AZIN1: variants seen among roughly 807,000 people sequenced by gnomAD.
AZIN1 encodes the protein antizyme inhibitor 1, also known as ornithine decarboxylase antizyme inhibitor.
A neutral mutation model predicts 47.4 loss-of-function variants in AZIN1; 12 were observed. The observed-to-expected ratio is 0.25, with a 90% confidence interval of 0.16 to 0.41. AZIN1 has a LOEUF of 0.41. AZIN1 is among the 10% of genes least tolerant of loss of function. The pLI, the probability that AZIN1 is intolerant of heterozygous loss-of-function variation, is 1.00. For synonymous variants in AZIN1, 155 were observed against 176.3 expected, an observed-to-expected ratio of 0.88 and a Z score of 0.96; for missense variants, 410 against 532.4, an observed-to-expected ratio of 0.77 and a Z score of 2.26.
chr8:102,848,781 TAAAAA>T (rs1028908935), intron 2 of AZIN1, among the ~76,000 whole-genome samples: 4 of 151,934 alleles, frequency 2.6e-5, no homozygotes, highest in African/African-American at 9.7e-5. Context: ...GTTCCATTGT[TAAAAA>T]AAAGAAAGGT....
chr8:102,863,168 G>T (rs1462098722), intron 1 of AZIN1, among the ~76,000 whole-genome samples: 3 of 152,202 alleles, frequency 2.0e-5, no homozygotes, highest in South Asian at 2.1e-4. Context: ...GGGCTTCCCC[G>T]CCGCCAGGCC....
At chr8:102,855,609 G>A (rs2131276379) in intron 2 of AZIN1, 1 of 152,304 alleles carries the variant, frequency 6.6e-6, no homozygotes, top group East Asian at 1.9e-4. Context: ...CTGGATCTCA[G>A]ACTACCTGCA....
chr8:102,830,765 G>A (rs1025557385), intron 9 of AZIN1, among the ~76,000 whole-genome samples: 10 of 152,092 alleles, frequency 6.6e-5, no homozygotes, highest in African/African-American at 2.4e-4. Flanking sequence ...CTACTGACTG[G>A]ATCAACTTAA....
At chr8:102,841,861 A>T (rs907233299) in intron 3 of AZIN1, among the ~76,000 whole-genome samples, 1 of 151,334 alleles carries the variant, frequency 6.6e-6, no homozygotes, top group Admixed American at 6.6e-5. Context: ...CTGTAATCCC[A>T]GCACTTTGGG....
intron 2 of AZIN1, chr8:102,854,497 T>C (rs1813141149): frequency 6.6e-6 from 1 of 150,666 alleles, no homozygotes; most frequent in East Asian, 2.0e-4. Flanking sequence ...CTTGGGAGGC[T>C]GAGGCGGAAG....
chr8:102,829,166 A>C, intron 11 of AZIN1, 106 bp downstream of exon 11: 1 of 984,652 alleles, frequency 1.0e-6, no homozygotes, highest in Non-Finnish European at 1.5e-6. Flanking sequence ...TAGGCAATAC[A>C]TGACTGTACT....
intron 2 of AZIN1, among the ~76,000 whole-genome samples, chr8:102,845,004 C>A (rs1812475499): frequency 2.0e-5 from 3 of 152,306 alleles, no homozygotes; most frequent in Admixed American, 6.5e-5. Context: ...AACAGGTCCA[C>A]CAGACAGGAT....
Position 102,832,947 on chromosome 8 carries a change from A to C in AZIN1, c.904+109T>G, listed in dbSNP as rs773692228. The stretch of plus-strand genomic sequence containing the variant: ...GAGCCACCACGCCCGGCCAGTTTTA[A>C]GATTTTTAAAAGCTGAAAACCACCT... On this transcript the variant is annotated intron_variant, in intron 9 of 11. Transcript: ENST00000337198. 4.5e-4 allele frequency: 458 copies of C among 1,023,698 alleles called. 1 individual carries two copies. Among genetic ancestry groups the C allele is most frequent in the Non-Finnish European group, 6.1e-4 (431 of 703,076 alleles). 63.4% of individuals were successfully genotyped at this position (1,023,698 alleles called of 1,614,324 possible). A position where few individuals can be genotyped will look rare whatever the true frequency, so the allele number is the denominator to read the frequency against.
chr8:102,831,540 G>A (rs1026674153), intron 9 of AZIN1, among the ~76,000 whole-genome samples: 2 of 151,426 alleles, frequency 1.3e-5, no homozygotes, highest in Admixed American at 6.6e-5. Context: ...CTACTTGGGA[G>A]GCTGAGGCAG....
chr8:102,854,669 TC>T (rs1213514171), intron 2 of AZIN1: 1 of 148,798 alleles, frequency 6.7e-6, no homozygotes, highest in Non-Finnish European at 1.5e-5. Context: ...GGTAGGGAGC[TC>T]CTACTAAGGC....
chr8:102,834,778 A>G (rs1422791028), intron 6 of AZIN1, 31 bp from the exon 7 acceptor site: 1 of 1,517,832 alleles, frequency 6.6e-7, no homozygotes, highest in East Asian at 2.3e-5. Context: ...AATTTAAAGG[A>G]GCAGAAAGTT....
chr8:102,842,157 A>G (rs1191642543), intron 3 of AZIN1, among the ~76,000 whole-genome samples: 1 of 152,172 alleles, frequency 6.6e-6, no homozygotes, highest in East Asian at 1.9e-4. Flanking sequence ...CAGTGAGTAT[A>G]TGATTCTGTA....
At chr8:102,846,012 C>G (rs909443932) in intron 2 of AZIN1, among the ~76,000 whole-genome samples, 2 of 152,098 alleles carry the variant, frequency 1.3e-5, no homozygotes, top group African/African-American at 2.4e-5. Flanking sequence ...TCAATGAGGA[C>G]TTAATTGTAT....
intron 2 of AZIN1, among the ~76,000 whole-genome samples, chr8:102,851,446 G>A (rs908025432): frequency 8.5e-5 from 13 of 152,202 alleles, no homozygotes; most frequent in Admixed American, 3.3e-4. Flanking sequence ...GGTGGCTCAC[G>A]CCTGTAATCC....
At chr8:102,836,146 A>C (rs1811809228) in intron 6 of AZIN1, 110 bp downstream of exon 6, 10 of 1,255,076 alleles carry the variant, frequency 8.0e-6, no homozygotes, top group Non-Finnish European at 8.9e-6. Flanking sequence ...AAAGACTAGA[A>C]AAAATTGCAT....
chr8:102,849,775 A>T (rs543645542), intron 2 of AZIN1, among the ~76,000 whole-genome samples: 217 of 152,380 alleles, frequency 1.4e-3, no homozygotes, highest in South Asian at 5.0e-3. Context: ...TCTTAGACTC[A>T]TAACTGAGAA....
chr8:102,840,828 GC>G (rs1475341666), intron 3 of AZIN1, among the ~76,000 whole-genome samples: 1 of 152,144 alleles, frequency 6.6e-6, no homozygotes, highest in Non-Finnish European at 1.5e-5. Context: ...AGAATATAGT[GC>G]CCAACTGATA....
chr8:102,836,480 A>T (rs977559142), intron 5 of AZIN1, 90 bp from the exon 6 acceptor site: 1 of 1,394,004 alleles, frequency 7.2e-7, no homozygotes, highest in Non-Finnish European at 1.0e-6. Flanking sequence ...TGTGTTGATT[A>T]TGTTGCCAGT....
At chr8:102,858,702 T>C (rs988743158) in intron 1 of AZIN1, among the ~76,000 whole-genome samples, 17 of 152,230 alleles carry the variant, frequency 1.1e-4, no homozygotes, top group African/African-American at 3.9e-4. Flanking sequence ...GTATCTAACA[T>C]AACTTTTGAA....
Sources: allele counts gnomAD v4.1 joint callset (sites outside exome capture counted in the v4.1 genomes callset), GRCh38; gene constraint gnomAD v4.1.1; transcripts MANE v1.5; gene names NCBI Gene and HGNC (gene_info 2026-07-23, HGNC 2026-07-21).